CTTN: variants seen among roughly 807,000 people sequenced by gnomAD.
The protein encoded by CTTN is src substrate cortactin.
A neutral mutation model predicts 84.0 loss-of-function variants in CTTN; 28 were observed. The ratio of observed to expected loss-of-function variants is 0.33; its 90% CI spans 0.25 to 0.46. CTTN has a LOEUF of 0.46. CTTN is among the 20% of genes least tolerant of loss of function. The probability of loss-of-function intolerance (pLI) is 1.00; values close to 1 mark genes in which losing one functional copy is unlikely to be tolerated. For missense variants in CTTN, 641 were observed against 723.8 expected (o/e 0.89, Z 1.31); for synonymous variants, 301 against 288.8 (o/e 1.04, Z -0.43).
At chr11:70,429,972 C>G (rs1421217316) in intron 14 of CTTN, among the ~76,000 whole-genome samples, 1 of 152,144 alleles carries the variant, frequency 6.6e-6, no homozygotes, top group Admixed American at 6.5e-5. Context: ...AGGCCCTGCC[C>G]CTGCAGGGCC....
At chr11:70,400,424 T>A (rs2057964001) in intron 1 of CTTN, among the ~76,000 whole-genome samples, 1 of 152,000 alleles carries the variant, frequency 6.6e-6, no homozygotes, top group Non-Finnish European at 1.5e-5. Flanking sequence ...ATCGCACCAC[T>A]GTACTCCAGC....
intron 12 of CTTN, among the ~76,000 whole-genome samples, chr11:70,424,352 G>A (rs2058277142): frequency 6.6e-6 from 1 of 152,120 alleles, no homozygotes; most frequent in Non-Finnish European, 1.5e-5. Context: ...CGCTGAGCTT[G>A]TGAGCACGTG....
chr11:70,424,356 G>A (rs568577151), intron 12 of CTTN, among the ~76,000 whole-genome samples: 2 of 152,254 alleles, frequency 1.3e-5, no homozygotes, highest in South Asian at 4.1e-4. Context: ...GAGCTTGTGA[G>A]CACGTGAGGA....
rs1012014392 is a variant in CTTN, at chr11:70,435,831, C to G, written c.*669C>G. On this transcript the variant is annotated 3_prime_UTR_variant, in exon 18 of 18. Coordinates refer to ENST00000301843, the MANE Select transcript of CTTN (RefSeq NM_005231.4). The stretch of plus-strand genomic sequence containing the variant: ...ACCCATCCCCTGATGCCCAGGTCAC[C>G]GGGAGGGCTGCTGGGAGCCTCTCCT... 9.1e-6 allele frequency: 14 copies of G among 1,538,012 alleles called. No homozygotes were observed. The highest frequency in any genetic ancestry group is 2.7e-5 in the African/African-American group (2 of 72,902).
chr11:70,399,856 G>A (rs546675877), intron 1 of CTTN, among the ~76,000 whole-genome samples: 1 of 152,264 alleles, frequency 6.6e-6, no homozygotes, highest in Admixed American at 6.5e-5. Flanking sequence ...CTGTCGGGGG[G>A]ACTTCACCCA....
rs760847112 is a variant in CTTN, at chr11:70,435,129, C to T, written c.1620C>T (p.Leu540=). The T allele has an allele frequency of 2.5e-6, 4 of 1,613,034 alleles. No individual in the cohort carries two copies. In the South Asian group the frequency reaches 4.4e-5, roughly 18 times the overall value. ...WRGVCKGRYG[L]FPANYVELRQ ...GGGTGTGCAAGGGCCGGTACGGGCT[C>T]TTCCCAGCCAACTATGTGGAGCTGC... Residue 540 remains leucine (L), a synonymous_variant, in exon 18 of 18, where the codon CTC becomes CTT. Coordinates refer to ENST00000301843, the MANE Select transcript of CTTN (RefSeq NM_005231.4).
At chr11:70,402,629 T>C (rs1359288365) in intron 1 of CTTN, among the ~76,000 whole-genome samples, 4 of 152,230 alleles carry the variant, frequency 2.6e-5, no homozygotes, top group Admixed American at 2.6e-4. Flanking sequence ...GCAATGGATT[T>C]GAGGTCCCTC....
chr11:70,399,920 GGCGCAGGA>G (rs2057956667), intron 1 of CTTN, among the ~76,000 whole-genome samples: 1 of 152,178 alleles, frequency 6.6e-6, no homozygotes, highest in African/African-American at 2.4e-5. Context: ...CCAAGGCCGT[GGCGCAGGA>G]GGGGCTGGCC....
chr11:70,412,625 C>A (rs2058107154), intron 5 of CTTN, among the ~76,000 whole-genome samples: 1 of 152,196 alleles, frequency 6.6e-6, no homozygotes, highest in Non-Finnish European at 1.5e-5. Context: ...GACGGGCTGT[C>A]AGGATTCTGT....
intron 17 of CTTN, 122 bp from the exon 18 acceptor site, chr11:70,434,904 G>T: frequency 9.6e-7 from 1 of 1,036,588 alleles, no homozygotes; most frequent in Non-Finnish European, 1.5e-6. Flanking sequence ...GCGGTGGTCC[G>T]CATCTCTGCA....
At chr11:70,429,277 C>A in intron 14 of CTTN, 78 bp downstream of exon 14, 2 of 1,506,044 alleles carry the variant, frequency 1.3e-6, no homozygotes, top group East Asian at 2.4e-5. Context: ...GGGGCCTGGG[C>A]GGGGCTTATT....
chr11:70,414,469 C>A, intron 5 of CTTN, 73 bp from the exon 6 acceptor site: 1 of 1,123,714 alleles, frequency 8.9e-7, no homozygotes, highest in Non-Finnish European at 1.3e-6. Flanking sequence ...CCTCCCCCAG[C>A]CCTGCTCTGG....
intron 5 of CTTN, among the ~76,000 whole-genome samples, chr11:70,410,767 TGC>T (rs1283558612): frequency 6.6e-6 from 1 of 152,202 alleles, no homozygotes; most frequent in African/African-American, 2.4e-5. Context: ...ACCTGACAGA[TGC>T]TTGCCTTTAC....
intron 13 of CTTN, among the ~76,000 whole-genome samples, chr11:70,427,729 G>A (rs943631576): frequency 4.6e-5 from 7 of 152,222 alleles, no homozygotes; most frequent in Non-Finnish European, 1.0e-4. Flanking sequence ...GGGTCTCTGA[G>A]TTGTGCTCGT....
In CTTN at chr11:70,436,299, T is replaced by C; in HGVS notation, c.*1137T>C. On this transcript the variant is annotated 3_prime_UTR_variant, in exon 18 of 18. Transcript: ENST00000301843. The stretch of plus-strand genomic sequence containing the variant: ...CTTTGTAGGAAACTCATCTCCTTCC[T>C]GAGGAGCCGGGAGGCTGGACCAGTC... 1.3e-6 allele frequency: 2 copies of C among 1,598,224 alleles called. No homozygotes were observed. Among genetic ancestry groups the C allele is most frequent in the Non-Finnish European group, 1.7e-6 (2 of 1,179,752 alleles).
In CTTN at chr11:70,436,212, T is replaced by C; in HGVS notation, c.*1050T>C. The C allele has an allele frequency of 6.4e-7, 1 of 1,569,088 alleles. No homozygotes were observed. Among genetic ancestry groups the C allele is most frequent in the African/African-American group, 1.3e-5 (1 of 74,104 alleles). On this transcript the variant is annotated 3_prime_UTR_variant, in exon 18 of 18. Coordinates refer to ENST00000301843, the MANE Select transcript of CTTN (RefSeq NM_005231.4). ...AGTGTGAAGTGCAGATGAGTGTGTGTTCTTCCCCAAGGTCCCCCCACAGCT... is the reference window on the plus strand; with the variant it reads ...AGTGTGAAGTGCAGATGAGTGTGTGCTCTTCCCCAAGGTCCCCCCACAGCT...
At position 70,414,567 on chromosome 11, in the gene CTTN, C is replaced by T. The variant is rs775697001; in HGVS notation, c.317C>T (p.Ser106Leu). The T allele has an allele frequency of 3.1e-6, 5 of 1,614,100 alleles. No individual in the cohort carries two copies. Among genetic ancestry groups the T allele is most frequent in the Admixed American group, 1.7e-5 (1 of 60,028 alleles). ...TCAGCTGTCGGCCACGAATATCAGT[C>T]GAAACTTTCCAAGCACTGCTCGCAG... Reference protein sequence around the residue: ...DKSAVGHEYQSKLSKHCSQVD... With the variant: ...DKSAVGHEYQLKLSKHCSQVD... Residue 106 changes from serine (S) to leucine (L), a missense_variant, in exon 6 of 18, where the codon TCG (serine) becomes TTG (leucine). Transcript: ENST00000301843.
intron 1 of CTTN, among the ~76,000 whole-genome samples, chr11:70,402,228 T>A (rs1003018075): frequency 6.6e-6 from 1 of 152,222 alleles, no homozygotes; most frequent in African/African-American, 2.4e-5. Context: ...GTTTGTGCAA[T>A]CTTGATTTGT....
At chr11:70,399,520 G>C (rs1181831321) in intron 1 of CTTN, among the ~76,000 whole-genome samples, 3 of 152,132 alleles carry the variant, frequency 2.0e-5, no homozygotes, top group Admixed American at 6.5e-5. Context: ...AGTGGAGGCA[G>C]CGAGGCGCGG....
Sources: allele counts gnomAD v4.1 joint callset (sites outside exome capture counted in the v4.1 genomes callset), GRCh38; gene constraint gnomAD v4.1.1; transcripts MANE v1.5; gene names NCBI Gene and HGNC (gene_info 2026-07-23, HGNC 2026-07-21).